Variants in ROBO2 observed in about 807,000 individuals in gnomAD.
ROBO2 encodes roundabout homolog 2.
A neutral mutation model predicts 160.8 loss-of-function variants in ROBO2; 53 were observed. That is an observed-to-expected ratio of 0.33 (90% CI 0.26 to 0.41). The LOEUF (loss-of-function observed/expected upper bound fraction) is 0.41, where lower values mean the gene tolerates loss of function less well. ROBO2 is among the 10% of genes least tolerant of loss of function. The pLI, the probability that ROBO2 is intolerant of heterozygous loss-of-function variation, is 1.00. For synonymous variants in ROBO2, 664 were observed against 611.7 expected (o/e 1.09, Z -1.26); for missense variants, 1,577 against 1,722.4 (o/e 0.92, Z 1.49).
chr3:76,623,478 C>T (rs191309574), intron 2 of ROBO2, among the ~76,000 whole-genome samples: 1 of 152,132 alleles, frequency 6.6e-6, no homozygotes. Flanking sequence ...CTAATACAGA[C>T]GGAAGCATCC....
At chr3:77,006,910 CTT>C (rs1341865017) in intron 2 of ROBO2, among the ~76,000 whole-genome samples, 3 of 152,054 alleles carry the variant, frequency 2.0e-5, no homozygotes, top group African/African-American at 7.2e-5. Flanking sequence ...ATATACCTCT[CTT>C]AGGATGAATG....
intron 2 of ROBO2, among the ~76,000 whole-genome samples, chr3:76,164,878 A>T (rs1016127945): frequency 1.3e-5 from 2 of 152,212 alleles, no homozygotes; most frequent in South Asian, 2.1e-4. Flanking sequence ...CCCGCAGGAC[A>T]CTGGAACCAT....
At chr3:76,526,566 G>T (rs114588318) in intron 2 of ROBO2, among the ~76,000 whole-genome samples, 2,213 of 152,074 alleles carry the variant, frequency 0.015, 53 homozygotes, top group African/African-American at 0.05. Flanking sequence ...TCACTGAAAA[G>T]AGAAGAGTGC....
In ROBO2 at chr3:76,926,736, G is replaced by A. The variant is rs148558873; in HGVS notation, c.110-171278G>A. Among the ~76,000 whole-genome samples the A allele has an allele frequency of 3.9e-3, 588 of 152,292 alleles. 2 individuals are homozygous for A. Among genetic ancestry groups the A allele is most frequent in the African/African-American group, 0.013 (557 of 41,568 alleles). ...TAGAAAGCTTGATTAGTTTAAAAAT[G>A]TCAATAGTGTGAATGAAGCTGCAGA... On this transcript the variant is annotated intron_variant, in intron 2 of 26. Coordinates refer to the ROBO2 transcript ENST00000487694.
At chr3:76,162,105 C>T (rs2072662892) in intron 2 of ROBO2, among the ~76,000 whole-genome samples, 1 of 152,194 alleles carries the variant, frequency 6.6e-6, no homozygotes, top group South Asian at 2.1e-4. Flanking sequence ...ATAAGTTATG[C>T]AGAGAGATTT....
upstream of ROBO2, among the ~76,000 whole-genome samples, chr3:77,034,985 G>T (rs1011811632): frequency 1.4e-4 from 22 of 151,802 alleles, no homozygotes; most frequent in African/African-American, 5.1e-4. Flanking sequence ...TCAGTAACAA[G>T]AAATGATAAA....
chr3:76,522,788 C>A (rs1234906646), intron 2 of ROBO2, among the ~76,000 whole-genome samples: 1 of 151,916 alleles, frequency 6.6e-6, no homozygotes, highest in African/African-American at 2.4e-5. Flanking sequence ...TTGTTTCTCT[C>A]TTGCCCTAAA....
intron 2 of ROBO2, among the ~76,000 whole-genome samples, chr3:76,784,844 G>T (rs2108648131): frequency 6.6e-6 from 1 of 151,284 alleles, no homozygotes; most frequent in South Asian, 2.1e-4. Context: ...TTCCCTCAGT[G>T]TCCTGGGTTG....
intron 1 of ROBO2, among the ~76,000 whole-genome samples, chr3:77,084,061 T>C (rs2068986921): frequency 6.6e-6 from 1 of 152,096 alleles, no homozygotes; most frequent in African/African-American, 2.4e-5. Flanking sequence ...CTGTTAACTA[T>C]TGGGTCAGAA....
chr3:76,559,535 A>G (rs2084025000), intron 2 of ROBO2, among the ~76,000 whole-genome samples: 1 of 152,132 alleles, frequency 6.6e-6, no homozygotes, highest in African/African-American at 2.4e-5. Context: ...TTTGAAGACG[A>G]GTCACCATTT....
chr3:77,590,646 C>G (rs1328660827), intron 17 of ROBO2, among the ~76,000 whole-genome samples: 1 of 152,054 alleles, frequency 6.6e-6, no homozygotes, highest in African/African-American at 2.4e-5. Flanking sequence ...CTGGTCAGTT[C>G]GGTGCAAAGT....
At chr3:76,606,986 T>A (rs2087713388) in intron 2 of ROBO2, among the ~76,000 whole-genome samples, 1 of 152,232 alleles carries the variant, frequency 6.6e-6, no homozygotes, top group African/African-American at 2.4e-5. Flanking sequence ...CATTTAAGTA[T>A]GATTACAAGT....
chr3:76,956,419 T>C (rs1407240651), intron 2 of ROBO2, among the ~76,000 whole-genome samples: 1 of 151,774 alleles, frequency 6.6e-6, no homozygotes, highest in Non-Finnish European at 1.5e-5. Flanking sequence ...TAGCCGGGTG[T>C]GGTGGCGGAC....
intron 2 of ROBO2, among the ~76,000 whole-genome samples, chr3:76,925,463 T>A (rs2076937111): frequency 6.6e-6 from 1 of 152,134 alleles, no homozygotes; most frequent in South Asian, 2.1e-4. Context: ...TACTAAAATA[T>A]CAAGATAGTA....
chr3:76,376,831 T>C (rs2076370357), intron 2 of ROBO2, among the ~76,000 whole-genome samples: 1 of 152,080 alleles, frequency 6.6e-6, no homozygotes, highest in Admixed American at 6.6e-5. Flanking sequence ...TTGAGGAGGA[T>C]TTTAGCTCCT....
At chr3:77,377,642 C>T (rs75843187) in intron 2 of ROBO2, among the ~76,000 whole-genome samples, 1,713 of 152,236 alleles carry the variant, frequency 0.011, 83 homozygotes, top group South Asian at 0.097. Context: ...TATGAGACCT[C>T]GATCCTTGGC....
Position 76,255,894 on chromosome 3 carries a change from TA to T in ROBO2, c.109+318301del, listed in dbSNP as rs112751606. On this transcript the variant is annotated intron_variant, in intron 2 of 26. Coordinates refer to the ROBO2 transcript ENST00000487694. ...AGTAGATCTTATAAAAGGACACAAT[TA>T]AAAAAAAACCACACTAAGCTTTTTG... is the stretch of plus-strand genomic sequence containing the variant. Among the ~76,000 whole-genome samples, 11 of 150,956 alleles carry T rather than the reference TA, an allele frequency of 7.3e-5. No individual in the cohort carries two copies. In the South Asian group the frequency reaches 1.1e-3, roughly 15 times the overall value.
At chr3:76,472,103 G>C (rs898002337) in intron 2 of ROBO2, among the ~76,000 whole-genome samples, 3 of 92,876 alleles carry the variant, frequency 3.2e-5, no homozygotes, top group African/African-American at 1.7e-4. Context: ...GTGTGTGTGC[G>C]CGTGTGCGTG....
intron 2 of ROBO2, among the ~76,000 whole-genome samples, chr3:76,102,343 G>A (rs2069731241): frequency 6.6e-6 from 1 of 152,144 alleles, no homozygotes; most frequent in African/African-American, 2.4e-5. Context: ...TTTTGATGTA[G>A]CTACTAGAAC....
Sources: gnomAD v4.1 joint callset for allele counts (sites outside exome capture counted in the v4.1 genomes callset) on GRCh38, gnomAD v4.1.1 for gene constraint, MANE v1.5 for transcripts, NCBI Gene and HGNC (gene_info 2026-07-23, HGNC 2026-07-21) for gene names.